Variants in CRLF1 observed in about 807,000 individuals in gnomAD.
CRLF1 encodes the protein cytokine receptor like factor 1, also known as cytokine receptor-like factor 1.
In CRLF1, 36 loss-of-function variants were observed where a neutral mutation model predicts 48.9. The ratio of observed to expected loss-of-function variants is 0.74; its 90% CI spans 0.56 to 0.97. The LOEUF (loss-of-function observed/expected upper bound fraction) is 0.97, where lower values mean the gene tolerates loss of function less well. Ranked by LOEUF, CRLF1 falls within the 50% of genes least tolerant of loss-of-function variation. CRLF1 has a pLI of 0.00. For synonymous variants in CRLF1, 256 were observed against 253.4 expected, an observed-to-expected ratio of 1.01 and a Z score of -0.10; for missense variants, 534 against 575.1, an observed-to-expected ratio of 0.93 and a Z score of 0.73.
Position 18,596,936 on chromosome 19 carries a change from T to C in CRLF1, c.811A>G (p.Lys271Glu), listed in dbSNP as rs1976144582. 1.2e-6 allele frequency: 2 copies of C among 1,614,032 alleles called. No individual in the cohort carries two copies. The highest frequency in any genetic ancestry group is 8.5e-7 in the Non-Finnish European group (1 of 1,180,010). The change falls in exon 5 of 9, where the codon AAA (lysine) becomes GAA (glutamate). Residue 271 changes from lysine to glutamate, a missense_variant. Lys to Glu is a moderately conservative substitution (Grantham distance 56). This residue lies in a region of CRLF1 where 528 missense variants were observed against 555.7 expected (regional missense o/e 0.95). Transcript: ENST00000392386. ...TCCACTCGGTAGCGGATCTGGTATT[T>C]GGCTTGAAAGAGGAAATCCTTGAGG... is the stretch of plus-strand genomic sequence containing the variant. ...PALKDFLFQA[K>E]YQIRYRVEDS...
rs571170618 is a variant in CRLF1 at position 18,605,721 on chromosome 19, G to T, written c.115+821C>A. ...GCATACGGAGACGTATCCTTGCGGG[G>T]GTGTTCCTTGGATGGGGGGCCCCAG... is the stretch of plus-strand genomic sequence containing the variant. On this transcript the variant is annotated intron_variant, in intron 1 of 8. Coordinates refer to ENST00000392386, the MANE Select transcript of CRLF1 (RefSeq NM_004750.5). Among the ~76,000 whole-genome samples, 10 of 152,292 alleles carry T rather than the reference G, an allele frequency of 6.6e-5. No homozygotes were observed. The East Asian group carries it at 1.9e-3, about 29-fold the overall frequency.
chr19:18,602,848 C>T (rs1260325642), intron 1 of CRLF1, among the ~76,000 whole-genome samples: 3 of 151,204 alleles, frequency 2.0e-5, no homozygotes, highest in Non-Finnish European at 4.4e-5. Context: ...GGCACAATCT[C>T]GGCTCACCAT....
rs910731707 is a variant in CRLF1 at position 18,597,020 on chromosome 19, C to A, written c.727G>T (p.Val243Leu). The A allele has an allele frequency of 6.2e-7, 1 of 1,612,864 alleles. No individual in the cohort carries two copies. The highest frequency in any genetic ancestry group is 1.3e-5 in the African/African-American group (1 of 74,870). Residue 243 changes from valine (V) to leucine (L), a missense_variant, in exon 5 of 9, where the codon GTG becomes TTG. Around this residue, in one of 2 missense-constraint regions of CRLF1, gnomAD observed 528 missense variants for 555.7 expected, o/e 0.95. Transcript: ENST00000392386. ...VTTDPPPDVHVSRVGGLEDQL... is the reference protein window; with the variant it reads ...VTTDPPPDVHLSRVGGLEDQL... ...TCCTCCAGGCCCCCGACGCGGCTCA[C>A]GTGCACGTCGGGCGGGGGGTCCGTG...
chr19:18,595,251 G>A (rs1337679419), intron 6 of CRLF1, among the ~76,000 whole-genome samples: 1 of 152,218 alleles, frequency 6.6e-6, no homozygotes, highest in African/African-American at 2.4e-5. Context: ...CGGACGCAGC[G>A]GCCTGCTGGC....
chr19:18,605,707 C>G (rs933975796), intron 1 of CRLF1, among the ~76,000 whole-genome samples: 2 of 152,132 alleles, frequency 1.3e-5, no homozygotes, highest in Non-Finnish European at 2.9e-5. Context: ...CATACGGAGA[C>G]GTATCCTTGC....
rs530928091 is a variant in CRLF1, at chr19:18,598,370, C to G, written c.697+62G>C. 1.5e-5 allele frequency: 23 copies of G among 1,554,922 alleles called. No individual in the cohort carries two copies. In the South Asian group the frequency reaches 2.8e-4, roughly 19 times the overall value. The stretch of plus-strand genomic sequence containing the variant: ...AAATGAGAAGGTGCAGGGGACCCCT[C>G]GGGATGCTCGGTGGGTGGGGCTGGT... On this transcript the variant is annotated intron_variant, in intron 4 of 8. Coordinates refer to ENST00000392386, the MANE Select transcript of CRLF1 (RefSeq NM_004750.5).
chr19:18,595,858 A>T (rs1976125433), intron 6 of CRLF1, among the ~76,000 whole-genome samples: 1 of 152,216 alleles, frequency 6.6e-6, no homozygotes, highest in Non-Finnish European at 1.5e-5. Flanking sequence ...TGCCTTGATC[A>T]GAAGGAGAAA....
chr19:18,605,035 C>T (rs1976272045), intron 1 of CRLF1, among the ~76,000 whole-genome samples: 1 of 152,206 alleles, frequency 6.6e-6, no homozygotes, highest in African/African-American at 2.4e-5. Context: ...ACCCACCCGC[C>T]TGCTGGTCAG....
rs541501038 is a variant in CRLF1, at chr19:18,594,402, G to A, written c.1057C>T (p.Pro353Ser). The change falls in exon 7 of 9, where the codon CCG becomes TCG. Residue 353 changes from proline (P) to serine (S), a missense_variant. Physicochemically the swap from Pro to Ser is moderately conservative, Grantham distance 74. Transcript: ENST00000392386. Reference sequence around the variant, plus strand: ...CCCGAGCTCGGCTCTCCGCCCCGCGGTTCGCACGCCCCGCCGCCCGGGCCC... The same window carrying A: ...CCCGAGCTCGGCTCTCCGCCCCGCGATTCGCACGCCCCGCCGCCCGGGCCC... ...RPGPGGGACE[P>S]RGGEPSSGPV... The A allele has an allele frequency of 1.9e-6, 3 of 1,563,000 alleles. No homozygotes were observed. In the South Asian group the frequency reaches 3.5e-5, roughly 18 times the overall value.
chr19:18,606,439 C>T lies in CRLF1; in HGVS notation c.115+103G>A, dbSNP rs1976297132. 5 of 920,584 alleles carry T rather than the reference C, an allele frequency of 5.4e-6. No individual in the cohort carries two copies. The highest frequency in any genetic ancestry group is 6.0e-5 in the Admixed American group (1 of 16,672). The allele number at this position is 920,584 out of a possible 1,614,324, so 57.0% of individuals were successfully genotyped here. On this transcript the variant is annotated intron_variant, in intron 1 of 8. Coordinates refer to ENST00000392386, the MANE Select transcript of CRLF1 (RefSeq NM_004750.5). The surrounding 1 kb of genome is among the most constrained non-coding windows in gnomAD (Gnocchi z 4.8). ...GCCGGGGGCGCCTTCCTTTGTTCCC[C>T]GGCCGTCCAGGTGGCGCCCGCGCCC... is the stretch of plus-strand genomic sequence containing the variant.
intron 4 of CRLF1, 33 bp downstream of exon 4, chr19:18,598,399 G>A (rs1235453010): frequency 6.9e-6 from 11 of 1,587,928 alleles, no homozygotes; most frequent in Admixed American, 1.7e-5. Context: ...GGCTGGTGCC[G>A]AGGGAGGGGC....
At chr19:18,595,158 C>T (rs1006157366) in intron 6 of CRLF1, among the ~76,000 whole-genome samples, 4 of 152,202 alleles carry the variant, frequency 2.6e-5, no homozygotes, top group Non-Finnish European at 4.4e-5. Flanking sequence ...ATAAATAAAG[C>T]CGGGGACCCG....
In CRLF1 at chr19:18,593,379, T is replaced by G. The variant is rs944136876; in HGVS notation, c.*187A>C. The G allele has an allele frequency of 2.5e-5, 18 of 725,846 alleles. No homozygotes were observed. The highest frequency in any genetic ancestry group is 4.1e-5 in the Non-Finnish European group (18 of 436,224). 45.0% of individuals were successfully genotyped at this position (725,846 alleles called of 1,614,324 possible). Reference sequence around the variant, plus strand: ...CCCTCACACACACACACACACCCACTGGGGTGCACCCAAAGGTGGCCTCAC... The same window carrying G: ...CCCTCACACACACACACACACCCACGGGGGTGCACCCAAAGGTGGCCTCAC... On this transcript the variant is annotated 3_prime_UTR_variant, in exon 9 of 9. Coordinates refer to ENST00000392386, the MANE Select transcript of CRLF1 (RefSeq NM_004750.5).
Position 18,594,300 on chromosome 19 carries a change from G to A in CRLF1, c.1159C>T (p.Leu387Phe), listed in dbSNP as rs762638116. 9.9e-6 allele frequency: 16 copies of A among 1,612,542 alleles called. No individual in the cohort carries two copies. In the South Asian group the frequency reaches 1.6e-4, roughly 17 times the overall value. The change falls in exon 7 of 9, where the codon CTC (leucine) becomes TTC (phenylalanine). Residue 387 changes from leucine (L) to phenylalanine (F), a missense_variant. Physicochemically the swap from Leu to Phe is conservative, Grantham distance 22. Coordinates refer to ENST00000392386, the MANE Select transcript of CRLF1 (RefSeq NM_004750.5). ...ATCCAGGCTCGCCACTGGTCGTAGAGGCGGAAGCTGAGGTTGGAGCAGTAC... is the reference window on the plus strand; with the variant it reads ...ATCCAGGCTCGCCACTGGTCGTAGAAGCGGAAGCTGAGGTTGGAGCAGTAC... ...HAYCSNLSFR[L>F]YDQWRAWMQK... is the part of the protein sequence containing the mutation.
chr19:18,598,126 C>T (rs74180890), intron 4 of CRLF1, among the ~76,000 whole-genome samples: 1 of 152,174 alleles, frequency 6.6e-6, no homozygotes, highest in Non-Finnish European at 1.5e-5. Flanking sequence ...CCGACCTGGG[C>T]GCCCCCTCCC....
chr19:18,596,142 C>CT lies in CRLF1; in HGVS notation c.1024+479dup, dbSNP rs925080612. 2.1e-4 allele frequency among the ~76,000 whole-genome samples: 32 copies of CT among 151,846 alleles called. No homozygotes were observed. In the South Asian group the frequency reaches 5.8e-3, roughly 28 times the overall value. ...TTAAAATTTCTACTAGTTGGTCAAA[C>CT]TTTTTTTTTGTTTTCCAAACAACAG... On this transcript the variant is annotated intron_variant, in intron 6 of 8. Coordinates refer to ENST00000392386, the MANE Select transcript of CRLF1 (RefSeq NM_004750.5).
intron 1 of CRLF1, among the ~76,000 whole-genome samples, chr19:18,604,673 C>A (rs1976266705): frequency 6.6e-6 from 1 of 152,132 alleles, no homozygotes; most frequent in Non-Finnish European, 1.5e-5. Flanking sequence ...CACTCCAGGC[C>A]AGGCAGGGGA....
chr19:18,596,987 T>A lies in CRLF1; in HGVS notation c.760A>T (p.Ser254Cys). The change falls in exon 5 of 9, where the codon AGC becomes TGC. Residue 254 changes from serine to cysteine, a missense_variant. This residue lies in a region of CRLF1 where 528 missense variants were observed against 555.7 expected (regional missense o/e 0.95). Transcript: ENST00000392386. ...SRVGGLEDQL[S>C]VRWVSPPALK... ...GCGGGTGGCGACACCCAGCGCACGC[T>A]CAGCTGGTCCTCCAGGCCCCCGACG... 1 of 1,613,646 alleles carries A rather than the reference T, an allele frequency of 6.2e-7. No individual in the cohort carries two copies. The highest frequency in any genetic ancestry group is 8.5e-7 in the Non-Finnish European group (1 of 1,179,968).
chr19:18,597,721 C>T (rs898416332), intron 4 of CRLF1, among the ~76,000 whole-genome samples: 6 of 152,058 alleles, frequency 3.9e-5, no homozygotes, highest in South Asian at 2.1e-4. Context: ...TGTGAGCCAC[C>T]GCGCCCGGCC....
Sources: allele counts gnomAD v4.1 joint callset (sites outside exome capture counted in the v4.1 genomes callset), GRCh38; gene constraint gnomAD v4.1.1; regional missense constraint gnomAD v4.1.1; non-coding constraint Gnocchi (gnomAD v3.1); transcripts MANE v1.5; gene names NCBI Gene and HGNC (gene_info 2026-07-23, HGNC 2026-07-21).